Variants in DLGAP2 observed in about 807,000 individuals in gnomAD.
DLGAP2 encodes the protein DLG associated protein 2.
In DLGAP2, 26 loss-of-function variants were observed where a neutral mutation model predicts 100.3. The observed-to-expected ratio is 0.26, with a 90% CI of 0.19 to 0.36. DLGAP2 has a LOEUF of 0.36. Among genes scored for constraint, DLGAP2 ranks in the 10% least tolerant of loss-of-function variants. The probability of loss-of-function intolerance (pLI) is 1.00; values close to 1 mark genes in which losing one functional copy is unlikely to be tolerated. For missense variants in DLGAP2, 1,858 were observed against 1,453.2 expected, an observed-to-expected ratio of 1.28 and a Z score of -4.53; for synonymous variants, 886 against 630.1, an observed-to-expected ratio of 1.41 and a Z score of -6.08.
chr8:859,637 G>C (rs1320936907), intron 1 of DLGAP2, among the ~76,000 whole-genome samples: 2 of 152,238 alleles, frequency 1.3e-5, no homozygotes, highest in Non-Finnish European at 2.9e-5. Context: ...GAAGTCAGCT[G>C]TCTCAGCACC....
intron 2 of DLGAP2, among the ~76,000 whole-genome samples, chr8:1,032,432 C>T (rs185164428): frequency 4.6e-5 from 7 of 152,200 alleles, no homozygotes; most frequent in Non-Finnish European, 7.3e-5. Flanking sequence ...GATGGAGAAA[C>T]GTTTGGACAC....
At chr8:970,608 T>A (rs1255834184) in intron 2 of DLGAP2, among the ~76,000 whole-genome samples, 1 of 152,252 alleles carries the variant, frequency 6.6e-6, no homozygotes, top group Non-Finnish European at 1.5e-5. Flanking sequence ...ACTATATTGT[T>A]TGTTTTTACA....
intron 3 of DLGAP2, among the ~76,000 whole-genome samples, chr8:1,327,802 C>G (rs577445021): frequency 6.6e-6 from 1 of 152,280 alleles, no homozygotes; most frequent in East Asian, 1.9e-4. Context: ...AGAGATGGCA[C>G]CACTGCACTC....
At chr8:1,097,963 G>A (rs867252397) in intron 2 of DLGAP2, among the ~76,000 whole-genome samples, 1 of 152,266 alleles carries the variant, frequency 6.6e-6, no homozygotes, top group Non-Finnish European at 1.5e-5. Flanking sequence ...TTCTGCCTTT[G>A]ACTGAGTCTG....
At chr8:1,240,153 T>G (rs62487810) in intron 2 of DLGAP2, among the ~76,000 whole-genome samples, 1 of 146,706 alleles carries the variant, frequency 6.8e-6, no homozygotes, top group Admixed American at 6.7e-5. Flanking sequence ...TTCTCTCTCA[T>G]ACATAGTGTC....
intron 2 of DLGAP2, among the ~76,000 whole-genome samples, chr8:1,046,635 G>C (rs1406690078): frequency 6.6e-6 from 1 of 152,188 alleles, no homozygotes; most frequent in Non-Finnish European, 1.5e-5. Flanking sequence ...GTTAGTACAC[G>C]TTGAAAAGGG....
At chr8:1,450,701 G>T (rs1415892130) in intron 3 of DLGAP2, among the ~76,000 whole-genome samples, 1 of 152,044 alleles carries the variant, frequency 6.6e-6, no homozygotes, top group East Asian at 1.9e-4. Context: ...ATGTCCCCAG[G>T]GCCTTGGGAT....
At chr8:1,215,468 A>G (rs1290092282) in intron 2 of DLGAP2, among the ~76,000 whole-genome samples, 7 of 128,686 alleles carry the variant, frequency 5.4e-5, no homozygotes, top group African/African-American at 2.0e-4. Flanking sequence ...TCACCTGGAG[A>G]CGTCCAGGTA....
Position 998,061 on chromosome 8 carries a change from A to T in DLGAP2, c.73+90095A>T, listed in dbSNP as rs1463970668. 2.6e-5 allele frequency among the ~76,000 whole-genome samples: 4 copies of T among 152,074 alleles called. No individual in the cohort carries two copies. In the East Asian group the frequency reaches 7.8e-4, roughly 30 times the overall value. The stretch of plus-strand genomic sequence containing the variant: ...TGTGCATACAGTCATACACAGAAAC[A>T]TATACACATGCATGTGCACACACCC... On this transcript the variant is annotated intron_variant, in intron 2 of 14. Transcript: ENST00000637795.
chr8:1,617,536 T>C (rs533559354), intron 6 of DLGAP2, among the ~76,000 whole-genome samples: 1 of 152,358 alleles, frequency 6.6e-6, no homozygotes, highest in African/African-American at 2.4e-5. Context: ...GTTTGAAAAG[T>C]GTCTGTTCAT....
At chr8:1,298,317 C>A (rs1267383324) in intron 3 of DLGAP2, among the ~76,000 whole-genome samples, 1 of 152,204 alleles carries the variant, frequency 6.6e-6, no homozygotes, top group Non-Finnish European at 1.5e-5. Flanking sequence ...GCGTCCGCTT[C>A]CTGGTCTGTC....
At chr8:1,586,138 C>T (rs141994147) in intron 6 of DLGAP2, among the ~76,000 whole-genome samples, 1 of 152,388 alleles carries the variant, frequency 6.6e-6, no homozygotes, top group African/African-American at 2.4e-5. Context: ...ACGGGTTTCT[C>T]TGGGCTAAGG....
chr8:1,169,796 A>G lies in DLGAP2; in HGVS notation c.74-89055A>G, dbSNP rs535919154. Among the ~76,000 whole-genome samples the G allele has an allele frequency of 1.1e-4, 17 of 151,708 alleles. No homozygotes were observed. The South Asian group carries it at 3.1e-3, about 28-fold the overall frequency. ...GGAGATTTTGGGCTGAGACAGTGGG[A>G]TTTTCTAGATATACAATCATGTCAT... On this transcript the variant is annotated intron_variant, in intron 2 of 14. Coordinates refer to ENST00000637795, the MANE Select transcript of DLGAP2 (RefSeq NM_001346810.2).
intron 3 of DLGAP2, among the ~76,000 whole-genome samples, chr8:1,453,143 C>T (rs992817160): frequency 6.6e-6 from 1 of 151,960 alleles, no homozygotes; most frequent in Non-Finnish European, 1.5e-5. Context: ...GGGAACGTCG[C>T]AGGTATTGGA....
intron 2 of DLGAP2, among the ~76,000 whole-genome samples, chr8:1,182,049 G>A (rs1439808924): frequency 6.6e-6 from 1 of 152,248 alleles, no homozygotes; most frequent in Non-Finnish European, 1.5e-5. Context: ...GTGCTGCAGT[G>A]CGTAAGAGCC....
chr8:1,585,114 T>G (rs1293959266), intron 6 of DLGAP2, among the ~76,000 whole-genome samples: 1 of 152,194 alleles, frequency 6.6e-6, no homozygotes, highest in African/African-American at 2.4e-5. Context: ...TGATATTGTT[T>G]TCATGAAGAC....
chr8:1,644,107 GA>G (rs1563276882), intron 8 of DLGAP2, among the ~76,000 whole-genome samples: 1 of 72,538 alleles, frequency 1.4e-5, no homozygotes, highest in East Asian at 5.1e-4. Flanking sequence ...TGTCACCCTC[GA>G]CCCCGCCGGC....
rs1799727051 is a variant in DLGAP2 at position 1,707,027 on chromosome 8, C to G, written c.*5621C>G. On this transcript the variant is annotated 3_prime_UTR_variant, in exon 15 of 15. Transcript: ENST00000637795. ...ATTATTTCAAGTTTCAATGTAAACACTTAACAGATGACTTCTTTGCAGAAG... is the reference window on the plus strand; with the variant it reads ...ATTATTTCAAGTTTCAATGTAAACAGTTAACAGATGACTTCTTTGCAGAAG... The G allele has an allele frequency of 6.6e-6, 1 of 152,614 alleles. No homozygotes were observed. Among genetic ancestry groups the G allele is most frequent in the South Asian group, 2.1e-4 (1 of 4,826 alleles). The allele number at this position is 152,614 out of a possible 1,614,324, so 9.5% of individuals were successfully genotyped here. A position where few individuals can be genotyped will look rare whatever the true frequency, so the allele number is the denominator to read the frequency against.
At chr8:1,503,256 T>A (rs1168575053) in intron 4 of DLGAP2, among the ~76,000 whole-genome samples, 4 of 152,170 alleles carry the variant, frequency 2.6e-5, no homozygotes, top group Non-Finnish European at 4.4e-5. Context: ...CTTCTGCAAG[T>A]AAAACTCTGT....
Sources: allele counts gnomAD v4.1 joint callset (sites outside exome capture counted in the v4.1 genomes callset), GRCh38; gene constraint gnomAD v4.1.1; transcripts MANE v1.5; gene names NCBI Gene and HGNC (gene_info 2026-07-23, HGNC 2026-07-21).